Variants in CPT1A observed in about 807,000 individuals in gnomAD.
The protein encoded by CPT1A is carnitine O-palmitoyltransferase 1, liver isoform.
CPT1A carries 64 observed loss-of-function variants against 100.8 expected under a neutral mutation model. The observed-to-expected ratio is 0.63, with a 90% CI of 0.52 to 0.78. The LOEUF is 0.78. CPT1A is among the 30% of genes least tolerant of loss of function. CPT1A has a pLI of 0.00. For synonymous variants in CPT1A, 363 were observed against 396.0 expected (o/e 0.92, Z 0.99); for missense variants, 802 against 1,034.1 (o/e 0.78, Z 3.08).
chr11:68,800,231 C>T (rs548034267), intron 5 of CPT1A, among the ~76,000 whole-genome samples: 1 of 152,238 alleles, frequency 6.6e-6, no homozygotes, highest in South Asian at 2.1e-4. Context: ...CACCCCGCCT[C>T]GTCCTTTTAC....
At chr11:68,815,068 T>G (rs888205985) in intron 2 of CPT1A, among the ~76,000 whole-genome samples, 2 of 152,204 alleles carry the variant, frequency 1.3e-5, no homozygotes, top group Non-Finnish European at 2.9e-5. Flanking sequence ...CTCTGCCTCC[T>G]ATTAAGTAGG....
Position 68,841,740 on chromosome 11 carries a change from C to T in CPT1A, c.-14+35G>A. 2.1e-6 allele frequency: 2 copies of T among 963,652 alleles called. No individual in the cohort carries two copies. Among genetic ancestry groups the T allele is most frequent in the Non-Finnish European group, 2.5e-6 (2 of 809,962 alleles). 59.7% of individuals were successfully genotyped at this position (963,652 alleles called of 1,614,324 possible). ...GCCCCCGCAGCCCGCAGGGCCGCCC[C>T]GCCACCCTCCCCACCGCGGGCGACC... On this transcript the variant is annotated intron_variant, in intron 1 of 18. Transcript: ENST00000265641. This position sits in a 1 kb window ranked among gnomAD's most constrained non-coding sequence, Gnocchi z 6.3.
At chr11:68,777,002 G>A (rs966320302) in intron 12 of CPT1A, among the ~76,000 whole-genome samples, 15 of 152,186 alleles carry the variant, frequency 9.9e-5, no homozygotes, top group African/African-American at 2.4e-4. Flanking sequence ...GCGGCGGGGC[G>A]GGTGGAAGGT....
Position 68,761,590 on chromosome 11 carries a change from A to G in CPT1A, c.1973T>C (p.Phe658Ser), listed in dbSNP as rs1416333434. ...MTGSGIDRHL[F>S]CLYVVSKYLA... ...ATATTTAGACACCACGTAAAGGCAG[A>G]AGAGGTGACGATCGATCCCAGAGCC... The change falls in exon 16 of 19, where the codon TTC (phenylalanine) becomes TCC (serine). Residue 658 changes from phenylalanine (F) to serine (S), a missense_variant. Around this residue, in one of 4 missense-constraint regions of CPT1A, gnomAD observed 627 missense variants for 799.3 expected, o/e 0.78. Transcript: ENST00000265641. 1.2e-6 allele frequency: 2 copies of G among 1,614,108 alleles called. No individual in the cohort carries two copies. The highest frequency in any genetic ancestry group is 2.2e-5 in the East Asian group (1 of 44,872).
intron 6 of CPT1A, among the ~76,000 whole-genome samples, chr11:68,797,885 G>C (rs1855794632): frequency 6.6e-6 from 1 of 152,222 alleles, no homozygotes; most frequent in Non-Finnish European, 1.5e-5. Flanking sequence ...GGCTGAGGCA[G>C]GAGAATTGCT....
At chr11:68,808,061 C>T (rs568216120) in intron 3 of CPT1A, among the ~76,000 whole-genome samples, 3 of 152,244 alleles carry the variant, frequency 2.0e-5, no homozygotes, top group Non-Finnish European at 2.9e-5. Flanking sequence ...CATGCCCTGC[C>T]GACCTGTGCG....
intron 14 of CPT1A, among the ~76,000 whole-genome samples, chr11:68,771,344 A>C (rs1311916199): frequency 6.6e-6 from 1 of 152,244 alleles, no homozygotes; most frequent in African/African-American, 2.4e-5. Context: ...GAATTCTTTT[A>C]AAAAAGAAAA....
chr11:68,801,286 G>T (rs1157442438), intron 5 of CPT1A, among the ~76,000 whole-genome samples: 1 of 152,128 alleles, frequency 6.6e-6, no homozygotes, highest in African/African-American at 2.4e-5. Context: ...CCTGCCAGTG[G>T]AACAGGGGCC....
At chr11:68,814,835 T>A (rs2154001325) in intron 2 of CPT1A, among the ~76,000 whole-genome samples, 1 of 152,162 alleles carries the variant, frequency 6.6e-6, no homozygotes, top group African/African-American at 2.4e-5. Context: ...TACAGGTGCA[T>A]GCCAACATAC....
At chr11:68,815,302 T>A (rs1856353021) in intron 2 of CPT1A, 32 bp downstream of exon 2, 1 of 1,611,260 alleles carries the variant, frequency 6.2e-7, no homozygotes, top group East Asian at 2.2e-5. Context: ...TTAAAAGGCA[T>A]ACTGTGTAGA....
chr11:68,774,781 CA>C (rs1169875761), intron 13 of CPT1A, among the ~76,000 whole-genome samples: 140 of 54,282 alleles, frequency 2.6e-3, no homozygotes, highest in Admixed American at 3.8e-3. Flanking sequence ...GACTACATCT[CA>C]AAAAAAAAAA....
At chr11:68,803,882 G>C in intron 5 of CPT1A, 118 bp downstream of exon 5, 1 of 782,398 alleles carries the variant, frequency 1.3e-6, no homozygotes, top group Non-Finnish European at 2.3e-6. Context: ...AACCCTACCA[G>C]GCACACCGCT....
rs1056787848 is a variant in CPT1A, at chr11:68,755,418, C to CT, written c.*2225dup. 5.8e-4 allele frequency: 88 copies of CT among 150,862 alleles called. No homozygotes were observed. In the East Asian group the frequency reaches 5.9e-3, roughly 10 times the overall value. 9.3% of individuals were successfully genotyped at this position (150,862 alleles called of 1,614,324 possible). The stretch of plus-strand genomic sequence containing the variant: ...GGCTTTTGTTGTTGGTTTGTTTTTG[C>CT]TTTTTTTTTTAGACGGAGTCTCGCT... On this transcript the variant is annotated 3_prime_UTR_variant, in exon 19 of 19. Transcript: ENST00000265641.
intron 1 of CPT1A, among the ~76,000 whole-genome samples, chr11:68,835,624 G>T (rs565498596): frequency 2.0e-5 from 3 of 151,234 alleles, no homozygotes; most frequent in Admixed American, 2.0e-4. Context: ...GGAATGACAG[G>T]TTCAGACCCA....
chr11:68,770,327 C>T (rs1173871206), intron 14 of CPT1A, among the ~76,000 whole-genome samples: 1 of 152,210 alleles, frequency 6.6e-6, no homozygotes, highest in Non-Finnish European at 1.5e-5. Flanking sequence ...CTTTGTGCAA[C>T]TCTGCGCTGG....
chr11:68,774,604 G>A (rs182387230), intron 13 of CPT1A, among the ~76,000 whole-genome samples: 111 of 151,142 alleles, frequency 7.3e-4, no homozygotes, highest in African/African-American at 2.6e-3. Context: ...CACTATGCCC[G>A]GCTAATTTTT....
rs201034164 is a variant in CPT1A at position 68,796,839 on chromosome 11, C to T, written c.771+17G>A. 1.3e-5 allele frequency: 21 copies of T among 1,612,854 alleles called. No homozygotes were observed. The highest frequency in any genetic ancestry group is 4.0e-5 in the African/African-American group (3 of 74,988). Reference sequence around the variant, plus strand: ...CCACCGTCCTCGTCAGACAGCAGCCCGGGCGGGTGGACTCACCATGGCATA... The same window carrying T: ...CCACCGTCCTCGTCAGACAGCAGCCTGGGCGGGTGGACTCACCATGGCATA... On this transcript the variant is annotated intron_variant, in intron 7 of 18. Transcript: ENST00000265641.
chr11:68,833,568 C>T lies in CPT1A; in HGVS notation c.-14+8207G>A, dbSNP rs897267787. Among the ~76,000 whole-genome samples the T allele has an allele frequency of 2.0e-5, 3 of 152,260 alleles. No homozygotes were observed. In the East Asian group the frequency reaches 5.8e-4, roughly 29 times the overall value. On this transcript the variant is annotated intron_variant, in intron 1 of 18. Transcript: ENST00000265641. Reference sequence around the variant, plus strand: ...GGCCAGGAGTTCAAAACCAGCCTGGCCAACATGGTGAAACCCCATCTCTAC... The same window carrying T: ...GGCCAGGAGTTCAAAACCAGCCTGGTCAACATGGTGAAACCCCATCTCTAC...
chr11:68,824,915 C>G (rs1019595515), intron 1 of CPT1A, among the ~76,000 whole-genome samples: 9 of 151,246 alleles, frequency 6.0e-5, no homozygotes, highest in African/African-American at 2.2e-4. Context: ...TCTCCTGCCT[C>G]AGCCTCCCCA....
Sources: gnomAD v4.1 joint callset for allele counts (sites outside exome capture counted in the v4.1 genomes callset) on GRCh38, gnomAD v4.1.1 for gene constraint, gnomAD v4.1.1 regional missense constraint, Gnocchi (gnomAD v3.1) non-coding constraint, MANE v1.5 for transcripts, NCBI Gene and HGNC (gene_info 2026-07-23, HGNC 2026-07-21) for gene names.